Variants in DECR1 observed in about 807,000 individuals in gnomAD.
DECR1 encodes 2,4-dienoyl-CoA reductase [(3E)-enoyl-CoA-producing], mitochondrial.
Under a neutral mutation model 38.8 loss-of-function variants are expected in DECR1, and 44 were observed. The ratio of observed to expected loss-of-function variants is 1.13; its 90% confidence interval spans 0.89 to 1.46. The LOEUF is 1.46. Ranked by LOEUF, DECR1 falls within the 40% of genes most tolerant of loss-of-function variation. DECR1 has a pLI of 0.00. For synonymous variants in DECR1, 148 were observed against 135.2 expected (o/e 1.09, Z -0.66); for missense variants, 428 against 405.5 (o/e 1.06, Z -0.48).
At chr8:90,010,646 G>C (rs967035619) in intron 1 of DECR1, among the ~76,000 whole-genome samples, 2 of 152,186 alleles carry the variant, frequency 1.3e-5, no homozygotes. Flanking sequence ...TTAGGGCCCA[G>C]TCTGCAAAAC....
chr8:90,020,129 C>T (rs909480747), intron 4 of DECR1, among the ~76,000 whole-genome samples: 11 of 152,136 alleles, frequency 7.2e-5, no homozygotes, highest in African/African-American at 1.2e-4. Context: ...GGAGAGAAGC[C>T]GTTTCTTCCA....
chr8:90,006,314 T>G (rs550929578), intron 1 of DECR1: 11 of 703,966 alleles, frequency 1.6e-5, no homozygotes, highest in Non-Finnish European at 2.9e-5. Flanking sequence ...TTGTTTGGTA[T>G]ATATCAAAGC....
At position 90,017,340 on chromosome 8, in the gene DECR1, A is replaced by G. The variant is rs769034607; in HGVS notation, c.272+14A>G. 1.2e-6 allele frequency: 2 copies of G among 1,607,398 alleles called. No homozygotes were observed. Among genetic ancestry groups the G allele is most frequent in the Non-Finnish European group, 1.7e-6 (2 of 1,176,292 alleles). On this transcript the variant is annotated intron_variant, in intron 2 of 9. Coordinates refer to ENST00000220764, the MANE Select transcript of DECR1 (RefSeq NM_001359.2). ...GATAGCCAGCCGGTAAGTCCCTTAC[A>G]TCAAGCCTATTGGCGACGCTTTTGA... is the stretch of plus-strand genomic sequence containing the variant.
chr8:90,018,806 A>T, intron 2 of DECR1, 103 bp from the exon 3 acceptor site: 1 of 914,462 alleles, frequency 1.1e-6, no homozygotes, highest in South Asian at 1.4e-5. Flanking sequence ...TAACATCTAT[A>T]CTTTCTCAGA....
chr8:90,047,359 CA>C (rs200548004), intron 8 of DECR1, among the ~76,000 whole-genome samples: 3,124 of 149,228 alleles, frequency 0.021, 96 homozygotes, highest in African/African-American at 0.071. Flanking sequence ...AAATGGAAAA[CA>C]AAAAAAAAGC....
At chr8:90,036,807 A>G (rs760297235) in intron 5 of DECR1, 34 bp from the exon 6 acceptor site, 2 of 1,362,454 alleles carry the variant, frequency 1.5e-6, no homozygotes, top group South Asian at 1.2e-5. Flanking sequence ...ATACATCTAT[A>G]TTGCTAATCA....
intron 1 of DECR1, among the ~76,000 whole-genome samples, chr8:90,016,119 AT>A (rs1006038090): frequency 5.3e-5 from 8 of 152,140 alleles, no homozygotes; most frequent in African/African-American, 1.9e-4. Flanking sequence ...CAATACAAAT[AT>A]TTTTTACTCC....
At chr8:90,023,787 A>T (rs1188172373) in intron 5 of DECR1, among the ~76,000 whole-genome samples, 1 of 152,100 alleles carries the variant, frequency 6.6e-6, no homozygotes, top group Non-Finnish European at 1.5e-5. Flanking sequence ...TTACATATGT[A>T]TACATGTGCC....
intron 1 of DECR1, among the ~76,000 whole-genome samples, chr8:90,011,070 A>G (rs907200705): frequency 2.0e-5 from 3 of 152,232 alleles, no homozygotes; most frequent in Non-Finnish European, 4.4e-5. Flanking sequence ...TACTTCTGAC[A>G]GTTTTTGTGC....
At chr8:90,011,522 C>T in intron 1 of DECR1, among the ~76,000 whole-genome samples, 1 of 152,136 alleles carries the variant, frequency 6.6e-6, no homozygotes, top group South Asian at 2.1e-4. Flanking sequence ...TTTGTTGAAT[C>T]TGTATATCAA....
chr8:90,044,815 C>G (rs1383275245), intron 7 of DECR1, 34 bp from the exon 8 acceptor site: 1 of 1,571,544 alleles, frequency 6.4e-7, no homozygotes, highest in Admixed American at 1.9e-5. Context: ...ATTGAAAAAC[C>G]CGACACAACC....
intron 1 of DECR1, chr8:90,005,900 C>T (rs867371262): frequency 1.4e-5 from 5 of 366,646 alleles, no homozygotes; most frequent in Non-Finnish European, 2.1e-5. Context: ...TGGGAGGTGC[C>T]GGCAAGAGAG....
At chr8:90,002,503 AT>A (rs1323867380) in intron 1 of DECR1, among the ~76,000 whole-genome samples, 2,014 of 152,304 alleles carry the variant, frequency 0.013, 39 homozygotes, top group African/African-American at 0.045. Context: ...AAAAGAAGCA[AT>A]AATATCCAAG....
Position 90,017,291 on chromosome 8 carries a change from G to C in DECR1, c.237G>C (p.Leu79=). Residue 79 remains leucine, a synonymous_variant, in exon 2 of 10, where the codon CTG becomes CTC. Coordinates refer to ENST00000220764, the MANE Select transcript of DECR1 (RefSeq NM_001359.2). ...TGLGKGMTTL[L]SSLGAQCVIA... ...TTGGTAAAGGAATGACAACTCTTCT[G>C]TCCAGCCTAGGTGCTCAGTGCGTGA... is the stretch of plus-strand genomic sequence containing the variant. 1 of 1,614,176 alleles carries C rather than the reference G, an allele frequency of 6.2e-7. No homozygotes were observed. Among genetic ancestry groups the C allele is most frequent in the Non-Finnish European group, 8.5e-7 (1 of 1,180,040 alleles).
intron 1 of DECR1, chr8:90,006,188 CAG>C (rs1431258263): frequency 1.4e-6 from 1 of 703,860 alleles, no homozygotes; most frequent in South Asian, 1.5e-5. Context: ...ACTAAGGGGA[CAG>C]AAAGAAGCCT....
chr8:90,006,683 G>A (rs1036922740), intron 1 of DECR1, among the ~76,000 whole-genome samples: 1 of 152,142 alleles, frequency 6.6e-6, no homozygotes, highest in African/African-American at 2.4e-5. Context: ...GAGAGATGGG[G>A]CTATGCTCAG....
At chr8:90,040,610 G>T (rs560713800) in intron 6 of DECR1, among the ~76,000 whole-genome samples, 12 of 152,170 alleles carry the variant, frequency 7.9e-5, no homozygotes, top group Non-Finnish European at 1.6e-4. Context: ...TTTTCCTAAT[G>T]CTATCCCTCC....
At chr8:90,040,865 G>T (rs1430151986) in intron 6 of DECR1, among the ~76,000 whole-genome samples, 2 of 152,126 alleles carry the variant, frequency 1.3e-5, no homozygotes, top group South Asian at 4.1e-4. Flanking sequence ...TCTTTATCCA[G>T]TCTATCATTG....
At chr8:90,044,204 C>T (rs1813829912) in intron 7 of DECR1, among the ~76,000 whole-genome samples, 1 of 152,098 alleles carries the variant, frequency 6.6e-6, no homozygotes, top group South Asian at 2.1e-4. Context: ...TCATGGAGTC[C>T]CCTGAGTGTT....
Sources: allele counts gnomAD v4.1 joint callset (sites outside exome capture counted in the v4.1 genomes callset), GRCh38; gene constraint gnomAD v4.1.1; transcripts MANE v1.5; gene names NCBI Gene and HGNC (gene_info 2026-07-23, HGNC 2026-07-21).